Variants in GPR179 observed in about 807,000 individuals in gnomAD.
GPR179 encodes the protein probable G protein-coupled receptor 179.
A neutral mutation model predicts 70.8 loss-of-function variants in GPR179; 52 were observed. The ratio of observed to expected loss-of-function variants is 0.73; its 90% CI spans 0.59 to 0.93. GPR179 has a LOEUF of 0.93. Among genes scored for constraint, GPR179 ranks in the 40% least tolerant of loss-of-function variants. GPR179 has a pLI of 0.00. For missense variants in GPR179, 2,734 were observed against 2,966.8 expected (o/e 0.92, Z 1.82); for synonymous variants, 1,123 against 1,169.0 (o/e 0.96, Z 0.80).
rs1346307332 is a variant in GPR179 at position 38,325,180 on chromosome 17, T to C, written c.*1285A>G. On this transcript the variant is annotated 3_prime_UTR_variant, in exon 11 of 11. Transcript: ENST00000616987. ...TCTTCCTTTCCCTCTGGTATTATCATCTAATCCCAGCAATTTGTAATCTAG... is the reference window on the plus strand; with the variant it reads ...TCTTCCTTTCCCTCTGGTATTATCACCTAATCCCAGCAATTTGTAATCTAG... Among the ~76,000 whole-genome samples, 1 of 152,200 alleles carries C rather than the reference T, an allele frequency of 6.6e-6. No homozygotes were observed. The highest frequency in any genetic ancestry group is 2.4e-5 in the African/African-American group (1 of 41,454).
chr17:38,343,436 G>C lies in GPR179; in HGVS notation c.354C>G (p.Ile118Met), dbSNP rs775302522. 6.2e-7 allele frequency: 1 copy of C among 1,614,018 alleles called. No homozygotes were observed. Among genetic ancestry groups the C allele is most frequent in the South Asian group, 1.1e-5 (1 of 91,092 alleles). Residue 118 changes from isoleucine (I) to methionine (M), a missense_variant, in exon 1 of 11, where the codon ATC (isoleucine) becomes ATG (methionine). Physicochemically the swap from Ile to Met is conservative, Grantham distance 10. Coordinates refer to ENST00000616987, the MANE Select transcript of GPR179 (RefSeq NM_001004334.4). The surrounding 1 kb of genome is among the most constrained non-coding windows in gnomAD (Gnocchi z 4.2). ...FLNMLLQAND[I>M]RESSVEEDVE... Reference sequence around the variant, plus strand: ...CATCCTCCTCCACACTGGACTCACGGATGTCGTTGGCTTGCAGCAGCATGT... The same window carrying C: ...CATCCTCCTCCACACTGGACTCACGCATGTCGTTGGCTTGCAGCAGCATGT...
In GPR179 at chr17:38,331,248, G is replaced by C; in HGVS notation, c.2321C>G (p.Thr774Ser). 6.3e-7 allele frequency: 1 copy of C among 1,588,580 alleles called. No homozygotes were observed. The highest frequency in any genetic ancestry group is 8.6e-7 in the Non-Finnish European group (1 of 1,168,328). The change falls in exon 11 of 11, where the codon ACC becomes AGC. Residue 774 changes from threonine (T) to serine (S), a missense_variant. Thr to Ser is a moderately conservative substitution (Grantham distance 58). Transcript: ENST00000616987. ...GTPALHKSRS[T>S]YDQRREQDPP... ...GTCCTGCTCCCTGCGCTGGTCATAGGTGCTGCGGGACTTGTGCAGAGCTGG... is the reference window on the plus strand; with the variant it reads ...GTCCTGCTCCCTGCGCTGGTCATAGCTGCTGCGGGACTTGTGCAGAGCTGG...
rs766303036 is a variant in GPR179 at position 38,339,426 on chromosome 17, G to A, written c.894C>T (p.Asn298=). Reference sequence around the variant, plus strand: ...TCCTCCTCATCCTTACCTGGGTGCTGTTGAGATCACACAGGTGTGTGTTAG... The same window carrying A: ...TCCTCCTCATCCTTACCTGGGTGCTATTGAGATCACACAGGTGTGTGTTAG... ...WYSNTHLCDL[N]STQCVPLESQ... Residue 298 remains asparagine, a synonymous_variant, in exon 2 of 11, where the codon AAC becomes AAT. Coordinates refer to ENST00000616987, the MANE Select transcript of GPR179 (RefSeq NM_001004334.4). 1 of 1,607,266 alleles carries A rather than the reference G, an allele frequency of 6.2e-7. No homozygotes were observed. The highest frequency in any genetic ancestry group is 1.1e-5 in the South Asian group (1 of 90,948).
chr17:38,343,110 A>C lies in GPR179; in HGVS notation c.680T>G (p.Val227Gly). ...TTCCAGGAAAGGAGGAGACAGCCTC[A>C]CCTGCTGCGTGTCCCCCACATATCC... The part of the protein sequence containing the change: ...ADGYVGDTQQ[V>G]RLSPPFLECQ... Residue 227 changes from valine to glycine, a missense_variant, in exon 1 of 11, where the codon GTG becomes GGG. By Grantham distance (109) the Val-to-Gly change is moderately radical. Coordinates refer to ENST00000616987, the MANE Select transcript of GPR179 (RefSeq NM_001004334.4). This position sits in a 1 kb window ranked among gnomAD's most constrained non-coding sequence, Gnocchi z 4.2. 6.2e-7 allele frequency: 1 copy of C among 1,614,198 alleles called. No individual in the cohort carries two copies. Among genetic ancestry groups the C allele is most frequent in the Non-Finnish European group, 8.5e-7 (1 of 1,180,012 alleles).
rs756212907 is a variant in GPR179, at chr17:38,330,988, C to T, written c.2581G>A (p.Glu861Lys). 5.6e-6 allele frequency: 9 copies of T among 1,612,192 alleles called. No homozygotes were observed. Among genetic ancestry groups the T allele is most frequent in the Non-Finnish European group, 1.7e-6 (2 of 1,179,830 alleles). The change falls in exon 11 of 11, where the codon GAG becomes AAG. Residue 861 changes from glutamate (E) to lysine (K), a missense_variant. By Grantham distance (56) the Glu-to-Lys change is moderately conservative. Transcript: ENST00000616987. Reference sequence around the variant, plus strand: ...CGCTCCTTTGCTTGCCGGTAGGTCTCCTCCAGGTAGGCCTGGCTGGCCATG... The same window carrying T: ...CGCTCCTTTGCTTGCCGGTAGGTCTTCTCCAGGTAGGCCTGGCTGGCCATG... ...LLMASQAYLE[E>K]TYRQAKEREE...
intron 2 of GPR179, 65 bp from the exon 3 acceptor site, chr17:38,337,785 G>T: frequency 7.1e-7 from 1 of 1,405,006 alleles, no homozygotes; most frequent in Non-Finnish European, 1.0e-6. Flanking sequence ...TTTCCCTCCT[G>T]GGAGAGATGG....
In GPR179 at chr17:38,331,604, C is replaced by A. The variant is rs912142515; in HGVS notation, c.2038-73G>T. On this transcript the variant is annotated intron_variant, in intron 10 of 10. Coordinates refer to ENST00000616987, the MANE Select transcript of GPR179 (RefSeq NM_001004334.4). ...ATCCCCTGGCTGTCTGTTCCTCCAC[C>A]CTTGCCTAGACCTTTTTCCCTTAGG... is the stretch of plus-strand genomic sequence containing the variant. The A allele has an allele frequency of 2.2e-5, 33 of 1,524,426 alleles. 1 individual carries two copies. The Middle Eastern group carries it at 8.3e-4, about 39-fold the overall frequency. The allele number at this position is 1,524,426 out of a possible 1,614,324, so 94.4% of individuals were successfully genotyped here. A position where few individuals can be genotyped will look rare whatever the true frequency, so the allele number is the denominator to read the frequency against.
chr17:38,333,543 A>C, intron 9 of GPR179, 146 bp from the exon 10 acceptor site: 1 of 867,082 alleles, frequency 1.2e-6, no homozygotes, highest in East Asian at 2.7e-5. Context: ...TTAGAGTTTT[A>C]CTCCCCTCAT....
Position 38,328,464 on chromosome 17 carries a change from G to C in GPR179, c.5105C>G (p.Ala1702Gly). The change falls in exon 11 of 11, where the codon GCA becomes GGA. Residue 1702 changes from alanine to glycine, a missense_variant. Physicochemically the swap from Ala to Gly is moderately conservative, Grantham distance 60. Transcript: ENST00000616987. The part of the protein sequence containing the change: ...DVEENLTAGK[A>G]EICPWEVGAG... ...ACCCACCTCCCAGGGACAGATTTCT[G>C]CCTTCCCAGCAGTCAAGTTTTCCTC... 1 of 1,614,092 alleles carries C rather than the reference G, an allele frequency of 6.2e-7. No individual in the cohort carries two copies. Among genetic ancestry groups the C allele is most frequent in the South Asian group, 1.1e-5 (1 of 91,076 alleles).
rs776704718 is a variant in GPR179 at position 38,329,576 on chromosome 17, C to T, written c.3993G>A (p.Leu1331=). 1 of 1,613,974 alleles carries T rather than the reference C, an allele frequency of 6.2e-7. No homozygotes were observed. Among genetic ancestry groups the T allele is most frequent in the Non-Finnish European group, 8.5e-7 (1 of 1,180,016 alleles). Residue 1331 remains leucine (L), a synonymous_variant, in exon 11 of 11, where the codon CTG becomes CTA. Transcript: ENST00000616987. The part of the protein sequence containing the change: ...CPWESADRGG[L]SPGSAPQDPG... The stretch of plus-strand genomic sequence containing the variant: ...GGTCCTGAGGAGCTGACCCAGGGGA[C>T]AGACCTCCTCGATCGGCACTCTCCC...
chr17:38,329,764 T>C lies in GPR179; in HGVS notation c.3805A>G (p.Thr1269Ala). The change falls in exon 11 of 11, where the codon ACG becomes GCG. Residue 1269 changes from threonine (T) to alanine (A), a missense_variant. Coordinates refer to ENST00000616987, the MANE Select transcript of GPR179 (RefSeq NM_001004334.4). ...GNKAEICPWE[T>A]SEGAPESRAL... ...CTCGACTCTGGGGCTCCTTCACTCG[T>C]CTCCCAGGGGCAGATTTCGGCCTTG... 1 of 1,614,084 alleles carries C rather than the reference T, an allele frequency of 6.2e-7. No homozygotes were observed.
chr17:38,331,277 C>G lies in GPR179; in HGVS notation c.2292G>C (p.Gly764=). Residue 764 remains glycine, a synonymous_variant, in exon 11 of 11, where the codon GGG becomes GGC. Transcript: ENST00000616987. ...TGCGGGACTTGTGCAGAGCTGGTGT[C>G]CCCTCGGGTTCCTGGAGGCTGGAGC... is the stretch of plus-strand genomic sequence containing the variant. ...LLSSSLQEPE[G]TPALHKSRST... 9 of 1,594,220 alleles carry G rather than the reference C, an allele frequency of 5.6e-6. No homozygotes were observed. Among genetic ancestry groups the G allele is most frequent in the Non-Finnish European group, 7.7e-6 (9 of 1,171,128 alleles).
Position 38,343,386 on chromosome 17 carries a change from C to A in GPR179, c.404G>T (p.Arg135Leu). ...EDVEWYQALVRSVAEGDPRVY... is the reference protein window; with the variant it reads ...EDVEWYQALVLSVAEGDPRVY... ...TCTTGGGTCCCCCTCGGCCACGCTG[C>A]GGACCAGTGCCTGGTACCATTCCAC... The change falls in exon 1 of 11, where the codon CGC becomes CTC. Residue 135 changes from arginine (R) to leucine (L), a missense_variant. By Grantham distance (102) the Arg-to-Leu change is moderately radical. Coordinates refer to ENST00000616987, the MANE Select transcript of GPR179 (RefSeq NM_001004334.4). The surrounding 1 kb of genome is among the most constrained non-coding windows in gnomAD (Gnocchi z 4.2). 6.2e-7 allele frequency: 1 copy of A among 1,614,178 alleles called. No individual in the cohort carries two copies. The highest frequency in any genetic ancestry group is 2.2e-5 in the East Asian group (1 of 44,870).
rs2037307051 is a variant in GPR179, at chr17:38,328,036, T to C, written c.5533A>G (p.Lys1845Glu). ...GTGAGTCTCCCCTTTTCTAGAGCTTTCTCCCTCTGCTCTGCTGATTCACTC... is the reference window on the plus strand; with the variant it reads ...GTGAGTCTCCCCTTTTCTAGAGCTTCCTCCCTCTGCTCTGCTGATTCACTC... ...AGSESAEQRE[K>E]ALEKGRLTSL... The change falls in exon 11 of 11, where the codon AAA becomes GAA. Residue 1845 changes from lysine to glutamate, a missense_variant. Transcript: ENST00000616987. 1.9e-6 allele frequency: 3 copies of C among 1,614,152 alleles called. No individual in the cohort carries two copies. Among genetic ancestry groups the C allele is most frequent in the Non-Finnish European group, 2.5e-6 (3 of 1,180,030 alleles).
At chr17:38,336,347 T>TACATCATTCCC (rs947620084) in intron 4 of GPR179, among the ~76,000 whole-genome samples, 2 of 152,230 alleles carry the variant, frequency 1.3e-5, no homozygotes, top group African/African-American at 4.8e-5. Flanking sequence ...GCCAAGGTTT[T>TACATCATTCCC]ACATCATTCC....
At position 38,331,177 on chromosome 17, in the gene GPR179, CCTT is replaced by C. The variant is rs1391766120; in HGVS notation, c.2389_2391del (p.Lys797del). 6.2e-7 allele frequency: 1 copy of C among 1,608,522 alleles called. No individual in the cohort carries two copies. The highest frequency in any genetic ancestry group is 8.5e-7 in the Non-Finnish European group (1 of 1,179,214). On this transcript the variant is annotated inframe_deletion, in exon 11 of 11. Coordinates refer to ENST00000616987, the MANE Select transcript of GPR179 (RefSeq NM_001004334.4). ...GACTCCCGGCTCTCTGTTCGAGAGG[CCTT>C]CTTGGCCAGCTTCCTCCTCAGCAGT... is the stretch of plus-strand genomic sequence containing the variant.
chr17:38,339,735 C>T (rs2037434659), intron 1 of GPR179, among the ~76,000 whole-genome samples: 1 of 152,186 alleles, frequency 6.6e-6, no homozygotes, highest in African/African-American at 2.4e-5. Flanking sequence ...TCTTTCTCCC[C>T]GCTGAAGTGA....
rs2037431964 is a variant in GPR179, at chr17:38,339,441, G to GAAAA, written c.878_879insTTTT (p.Leu294PhefsTer4). The stretch of plus-strand genomic sequence containing the variant: ...CCTGGGTGCTGTTGAGATCACACAG[G>GAAAA]TGTGTGTTAGAGTACCAGCCTGGGC... On this transcript the variant is annotated frameshift_variant, in exon 2 of 11. Transcript: ENST00000616987. LOFTEE classifies it high-confidence loss of function. The GAAAA allele has an allele frequency of 6.2e-7, 1 of 1,611,890 alleles. No individual in the cohort carries two copies. The highest frequency in any genetic ancestry group is 1.3e-5 in the African/African-American group (1 of 74,818).
In GPR179 at chr17:38,327,397, G is replaced by T. The variant is rs190587438; in HGVS notation, c.6172C>A (p.Pro2058Thr). Residue 2058 changes from proline (P) to threonine (T), a missense_variant, in exon 11 of 11, where the codon CCA (proline) becomes ACA (threonine). By Grantham distance (38) the Pro-to-Thr change is conservative (BLOSUM62 -1). Coordinates refer to ENST00000616987, the MANE Select transcript of GPR179 (RefSeq NM_001004334.4). ...APEKSEPKGVPVQKKPEMADF... is the reference protein window; with the variant it reads ...APEKSEPKGVTVQKKPEMADF... ...GCCATCTCTGGCTTTTTCTGAACTG[G>T]CACACCTTTTGGCTCTGATTTTTCT... is the stretch of plus-strand genomic sequence containing the variant. 4.6e-5 allele frequency: 74 copies of T among 1,614,162 alleles called. No individual in the cohort carries two copies. The African/African-American group carries it at 8.9e-4, about 19-fold the overall frequency.
Sources: gnomAD v4.1 joint callset for allele counts (sites outside exome capture counted in the v4.1 genomes callset) on GRCh38, gnomAD v4.1.1 for gene constraint, Gnocchi (gnomAD v3.1) non-coding constraint, MANE v1.5 for transcripts, NCBI Gene and HGNC (gene_info 2026-07-23, HGNC 2026-07-21) for gene names.